Variants in C1QTNF7 observed in about 807,000 individuals in gnomAD.
C1QTNF7 encodes complement C1q tumor necrosis factor-related protein 7.
A neutral mutation model predicts 19.6 loss-of-function variants in C1QTNF7; 15 were observed. The observed-to-expected ratio is 0.76, with a 90% CI of 0.51 to 1.18. The LOEUF (loss-of-function observed/expected upper bound fraction) is 1.18, where lower values mean the gene tolerates loss of function less well. Ranked by LOEUF, C1QTNF7 falls within the 50% of genes most tolerant of loss-of-function variation. The pLI is 0.00. For missense variants in C1QTNF7, 324 were observed against 359.7 expected (o/e 0.90, Z 0.80); for synonymous variants, 142 against 137.5 (o/e 1.03, Z -0.23).
At chr4:15,376,188 A>C (rs1717931464) in intron 1 of C1QTNF7, among the ~76,000 whole-genome samples, 1 of 152,252 alleles carries the variant, frequency 6.6e-6, no homozygotes, top group South Asian at 2.1e-4. Context: ...TATGCAGCCC[A>C]AGTGCACTTT....
At chr4:15,390,856 G>A (rs572235259) in intron 1 of C1QTNF7, among the ~76,000 whole-genome samples, 3 of 151,966 alleles carry the variant, frequency 2.0e-5, no homozygotes, top group Non-Finnish European at 4.4e-5. Flanking sequence ...ATGAATTGAC[G>A]ATGGGCACCT....
chr4:15,394,848 G>C (rs933692271), intron 1 of C1QTNF7, among the ~76,000 whole-genome samples: 2 of 152,094 alleles, frequency 1.3e-5, no homozygotes, highest in Admixed American at 6.6e-5. Context: ...CCTTAGGATA[G>C]ATATCGGCAC....
rs148267533 is a variant in C1QTNF7, at chr4:15,341,929, C to G, written c.13+1722C>G. On this transcript the variant is annotated intron_variant, in intron 1 of 2. Transcript: ENST00000295297. ...GCCGGAGCGCGAACTTCCTCACGGG[C>G]TCCAATGGAGGCTGGCGGCATCTCT... is the stretch of plus-strand genomic sequence containing the variant. Among the ~76,000 whole-genome samples the G allele has an allele frequency of 2.8e-3, 426 of 152,346 alleles. 5 individuals are homozygous for G. The highest frequency in any genetic ancestry group is 9.7e-3 in the African/African-American group (403 of 41,586).
At chr4:15,350,332 A>G (rs1284181745) in intron 1 of C1QTNF7, among the ~76,000 whole-genome samples, 10 of 36,228 alleles carry the variant, frequency 2.8e-4, no homozygotes, top group African/African-American at 3.6e-4. Flanking sequence ...AGGAGGAAAG[A>G]AAGGAGGGAG....
chr4:15,427,471 C>A (rs1712102465), upstream of C1QTNF7, among the ~76,000 whole-genome samples: 1 of 152,168 alleles, frequency 6.6e-6, no homozygotes, highest in Non-Finnish European at 1.5e-5. Context: ...AATACCCAAT[C>A]ATTTATCCAT....
chr4:15,396,788 C>A (rs1271728209), intron 1 of C1QTNF7, among the ~76,000 whole-genome samples: 2 of 152,048 alleles, frequency 1.3e-5, no homozygotes, highest in Non-Finnish European at 2.9e-5. Flanking sequence ...GGTGGCTTTC[C>A]ATCACCAGCC....
At chr4:15,399,946 T>A (rs954343746) in intron 1 of C1QTNF7, among the ~76,000 whole-genome samples, 1 of 152,220 alleles carries the variant, frequency 6.6e-6, no homozygotes, top group Non-Finnish European at 1.5e-5. Flanking sequence ...ATTATCACAT[T>A]TTTATGGGTC....
rs996656543 is a variant in C1QTNF7, at chr4:15,383,391, A to G, written c.13+43184A>G. Among the ~76,000 whole-genome samples, 12 of 152,302 alleles carry G rather than the reference A, an allele frequency of 7.9e-5. No homozygotes were observed. The East Asian group carries it at 1.9e-3, about 24-fold the overall frequency. On this transcript the variant is annotated intron_variant, in intron 1 of 2. Transcript: ENST00000295297. ...ATACCAACAGACTTAAGCCTTTCCT[A>G]GAAATGCCCTCCTGAAAAATTTTCC...
intron 1 of C1QTNF7, among the ~76,000 whole-genome samples, chr4:15,342,255 G>C (rs76348060): frequency 0.018 from 2,807 of 152,238 alleles, 84 homozygotes; most frequent in African/African-American, 0.065. Context: ...ATGAACTGCC[G>C]GGAGTGTGGC....
intron 1 of C1QTNF7, among the ~76,000 whole-genome samples, chr4:15,407,180 A>C (rs1174260520): frequency 6.6e-6 from 1 of 152,090 alleles, no homozygotes; most frequent in Non-Finnish European, 1.5e-5. Context: ...GGGTAACACC[A>C]ATGGTACAGC....
At chr4:15,430,597 C>A (rs985316380) in intron 1 of C1QTNF7, among the ~76,000 whole-genome samples, 1 of 152,146 alleles carries the variant, frequency 6.6e-6, no homozygotes, top group Non-Finnish European at 1.5e-5. Context: ...TTAAGTTGTA[C>A]ACTTTGGTAA....
chr4:15,368,574 A>T (rs1435113681), intron 1 of C1QTNF7, among the ~76,000 whole-genome samples: 1 of 152,088 alleles, frequency 6.6e-6, no homozygotes, highest in East Asian at 1.9e-4. Flanking sequence ...GTTTGCTGAG[A>T]ATGATGGTTT....
At chr4:15,363,428 A>C (rs1717409791) in intron 1 of C1QTNF7, among the ~76,000 whole-genome samples, 1 of 152,150 alleles carries the variant, frequency 6.6e-6, no homozygotes, top group South Asian at 2.1e-4. Flanking sequence ...CCCTATTGTA[A>C]TCACAAGACA....
chr4:15,352,811 T>C (rs6852653), intron 1 of C1QTNF7, among the ~76,000 whole-genome samples: 74,544 of 151,996 alleles, frequency 0.49, 20,067 homozygotes, highest in African/African-American at 0.71. Context: ...TAGTCCTTGC[T>C]GACTGTTGCC....
intron 2 of C1QTNF7, among the ~76,000 whole-genome samples, chr4:15,439,920 CTT>C (rs1354255435): frequency 1.3e-5 from 2 of 151,096 alleles, no homozygotes; most frequent in Admixed American, 6.6e-5. Context: ...AAATCAATGT[CTT>C]ATATATAATC....
intron 1 of C1QTNF7, among the ~76,000 whole-genome samples, chr4:15,350,372 A>C (rs755200864): frequency 1.7e-5 from 2 of 116,876 alleles, no homozygotes; most frequent in Non-Finnish European, 1.8e-5. Context: ...GGAAAAAAGA[A>C]TTCTGAATTT....
intron 2 of C1QTNF7, 128 bp from the exon 3 acceptor site, chr4:15,442,040 A>T: frequency 1.0e-6 from 1 of 960,762 alleles, no homozygotes. Flanking sequence ...AAAGTTTATT[A>T]TTTAGTAGTA....
chr4:15,372,425 T>C (rs956460162), intron 1 of C1QTNF7, among the ~76,000 whole-genome samples: 1 of 152,206 alleles, frequency 6.6e-6, no homozygotes, highest in Non-Finnish European at 1.5e-5. Flanking sequence ...CCAACCACGC[T>C]GGCACCCAGA....
intron 1 of C1QTNF7, among the ~76,000 whole-genome samples, chr4:15,413,333 C>T (rs971477199): frequency 3.3e-5 from 5 of 152,164 alleles, no homozygotes; most frequent in Admixed American, 6.5e-5. Context: ...TGAGTAGAGG[C>T]CAGGCACCTA....
Sources: allele counts gnomAD v4.1 joint callset (sites outside exome capture counted in the v4.1 genomes callset), GRCh38; gene constraint gnomAD v4.1.1; transcripts MANE v1.5; gene names NCBI Gene and HGNC (gene_info 2026-07-23, HGNC 2026-07-21).